The following GTPBP3 variants were observed in gnomAD, a reference collection of about 807,000 sequenced individuals.
GTPBP3 encodes the protein GTP binding protein 3, mitochondrial, also known as 5-taurinomethyluridine-[tRNA] synthase subunit GTPB3, mitochondrial.
Under a neutral mutation model 42.0 loss-of-function variants are expected in GTPBP3, and 35 were observed. The observed-to-expected ratio is 0.83, with a 90% CI of 0.64 to 1.10. The LOEUF (loss-of-function observed/expected upper bound fraction) is 1.10. GTPBP3 is among the 50% of genes least tolerant of loss of function. GTPBP3 has a pLI of 0.00. For missense variants in GTPBP3, 691 were observed against 685.2 expected (o/e 1.01, Z -0.09); for synonymous variants, 332 against 314.9 (o/e 1.05, Z -0.58).
upstream of GTPBP3, among the ~76,000 whole-genome samples, chr19:17,335,346 G>A (rs1415555053): frequency 6.6e-6 from 1 of 152,206 alleles, no homozygotes; most frequent in Non-Finnish European, 1.5e-5. Flanking sequence ...ATCCCATAGA[G>A]TTGTCAAGTT....
At position 17,341,608 on chromosome 19, in the gene GTPBP3, C is replaced by T; in HGVS notation, c.1384C>T (p.Arg462Trp). ...KDLALAAEAL[R>W]VARGHLTRLT... ...CCTGGCCCTGGCGGCAGAGGCGCTG[C>T]GGGTGGCCCGGGGTCACCTGACCCG... is the stretch of plus-strand genomic sequence containing the variant. The change falls in exon 9 of 9, where the codon CGG becomes TGG. Residue 462 changes from arginine to tryptophan, a missense_variant. Physicochemically the swap from Arg to Trp is moderately radical, Grantham distance 101 (BLOSUM62 -3). Coordinates refer to ENST00000324894, the MANE Select transcript of GTPBP3 (RefSeq NM_032620.4). 1.9e-6 allele frequency: 3 copies of T among 1,613,830 alleles called. No homozygotes were observed. The highest frequency in any genetic ancestry group is 1.7e-4 in the Middle Eastern group (1 of 6,056).
chr19:17,335,226 G>A (rs2074356769), upstream of GTPBP3: 1 of 1,471,304 alleles, frequency 6.8e-7, no homozygotes, highest in East Asian at 2.5e-5. Flanking sequence ...CATAATTACA[G>A]CAAGCCCTGC....
rs2074429202 is a variant in GTPBP3, at chr19:17,341,275, G to A, written c.1206G>A (p.Glu402=). The change falls in exon 8 of 9, where the codon GAG becomes GAA. Residue 402 remains glutamate, a synonymous_variant. Transcript: ENST00000324894. Reference sequence around the variant, plus strand: ...TGCTGCTGTCCTGTCTGACGGGAGAGGGGCTGGACGGCCTCCTGGAGGCGC... The same window carrying A: ...TGCTGCTGTCCTGTCTGACGGGAGAAGGGCTGGACGGCCTCCTGGAGGCGC... ...PHLLLSCLTG[E]GLDGLLEALR... is the part of the protein sequence containing the mutation. The A allele has an allele frequency of 1.2e-6, 2 of 1,605,364 alleles. No homozygotes were observed. The highest frequency in any genetic ancestry group is 4.5e-5 in the East Asian group (2 of 44,868).
In GTPBP3 at chr19:17,338,557, G is replaced by C; in HGVS notation, c.407G>C (p.Arg136Pro). ...LQALGSVPGL[R>P]PAEAGEFTRR... ...CCTGCAGGCAGCGTGCCAGGGCTTC[G>C]ACCGGCGGAGGCAGGCGAGTTCACC... The change falls in exon 4 of 9, where the codon CGA becomes CCA. Residue 136 changes from arginine to proline, a missense_variant. By Grantham distance (103) the Arg-to-Pro change is moderately radical. Coordinates refer to ENST00000324894, the MANE Select transcript of GTPBP3 (RefSeq NM_032620.4). 6.2e-7 allele frequency: 1 copy of C among 1,613,836 alleles called. No homozygotes were observed. Among genetic ancestry groups the C allele is most frequent in the Non-Finnish European group, 8.5e-7 (1 of 1,179,844 alleles).
upstream of GTPBP3, chr19:17,337,450 C>T (rs1432377981): frequency 8.1e-7 from 1 of 1,230,218 alleles, no homozygotes; most frequent in Non-Finnish European, 1.0e-6. Context: ...CCAATGGAAG[C>T]GAGTATCTTC....
rs901184217 is a variant in GTPBP3, at chr19:17,339,564, C to A, written c.939C>A (p.Pro313=). The change falls in exon 7 of 9, where the codon CCC becomes CCA. Residue 313 remains proline, a synonymous_variant. Coordinates refer to ENST00000324894, the MANE Select transcript of GTPBP3 (RefSeq NM_032620.4). The part of the protein sequence containing the change: ...DTAGLREGVG[P]VEQEGVRRAR... The stretch of plus-strand genomic sequence containing the variant: ...CTGGGTTGCGGGAGGGCGTGGGGCC[C>A]GTGGAGCAGGAGGGCGTGCGGCGCG... 5.0e-6 allele frequency: 8 copies of A among 1,612,028 alleles called. No individual in the cohort carries two copies. The highest frequency in any genetic ancestry group is 4.0e-5 in the African/African-American group (3 of 74,890).
intron 7 of GTPBP3, 76 bp from the exon 8 acceptor site, chr19:17,340,968 C>G: frequency 6.6e-7 from 1 of 1,524,244 alleles, no homozygotes; most frequent in African/African-American, 1.4e-5. Context: ...CTGCCTGGCC[C>G]CTCTAACTGT....
intron 5 of GTPBP3, 44 bp downstream of exon 5, chr19:17,339,070 C>T: frequency 6.2e-7 from 1 of 1,614,176 alleles, no homozygotes; most frequent in South Asian, 1.1e-5. Flanking sequence ...CTCATATCAG[C>T]CCTCAAAGGC....
At chr19:17,335,021 T>C, upstream of GTPBP3, 1 of 1,535,916 alleles carries the variant, frequency 6.5e-7, no homozygotes, top group East Asian at 2.4e-5. Flanking sequence ...ATTCTCCAAC[T>C]TGTCCCCACC....
rs777162848 is a variant in GTPBP3 at position 17,338,012 on chromosome 19, T to C, written c.58T>C (p.Cys20Arg). ...TCGCCTCCCCTCCGGTTCCAGATTG[T>C]GCACGCGCCGGAGCAGCGGCGCACC... Reference protein sequence around the residue: ...AQAARGPRRLCTRRSSGAPAP... With the variant: ...AQAARGPRRLRTRRSSGAPAP... The change falls in exon 2 of 9, where the codon TGC becomes CGC. Residue 20 changes from cysteine to arginine, a missense_variant. Coordinates refer to ENST00000324894, the MANE Select transcript of GTPBP3 (RefSeq NM_032620.4). 6.3e-7 allele frequency: 1 copy of C among 1,597,648 alleles called. No homozygotes were observed. Among genetic ancestry groups the C allele is most frequent in the Non-Finnish European group, 8.5e-7 (1 of 1,179,452 alleles).
rs771228439 is a variant in GTPBP3, at chr19:17,341,570, A to G, written c.1346A>G (p.Lys449Arg). 3 of 1,613,766 alleles carry G rather than the reference A, an allele frequency of 1.9e-6. No homozygotes were observed. Among genetic ancestry groups the G allele is most frequent in the Non-Finnish European group, 1.7e-6 (2 of 1,180,006 alleles). Residue 449 changes from lysine (K) to arginine (R), a missense_variant, in exon 9 of 9, where the codon AAG becomes AGG. By Grantham distance (26) the Lys-to-Arg change is conservative. Coordinates refer to ENST00000324894, the MANE Select transcript of GTPBP3 (RefSeq NM_032620.4). ...TGCCTGGATGCCCTCGGCCACTACA[A>G]GCAGTCAAAAGACCTGGCCCTGGCG... ...QGCLDALGHYKQSKDLALAAE... is the reference protein window; with the variant it reads ...QGCLDALGHYRQSKDLALAAE...
intron 3 of GTPBP3, 38 bp downstream of exon 3, chr19:17,338,489 A>T (rs770300748): frequency 3.1e-6 from 5 of 1,613,176 alleles, no homozygotes; most frequent in Non-Finnish European, 4.2e-6. Context: ...TGGTCCTCCC[A>T]ATGGGCCTGG....
upstream of GTPBP3, among the ~76,000 whole-genome samples, chr19:17,336,433 G>A (rs1050416034): frequency 1.8e-4 from 27 of 151,498 alleles, no homozygotes; most frequent in African/African-American, 5.6e-4. Context: ...GAGCCCAAAA[G>A]TTGGAGGTTG....
upstream of GTPBP3, chr19:17,334,986 TGGTCCCC>T (rs1323242432): frequency 8.5e-6 from 13 of 1,533,964 alleles, no homozygotes; most frequent in African/African-American, 1.4e-4. Flanking sequence ...TCCCTGCTGC[TGGTCCCC>T]GCCCGCACTG....
chr19:17,339,344 A>G, intron 6 of GTPBP3, 78 bp downstream of exon 6: 2 of 1,581,022 alleles, frequency 1.3e-6, no homozygotes, highest in Admixed American at 1.7e-5. Flanking sequence ...TTAGTTGTTC[A>G]GGTCTAAAGC....
chr19:17,340,415 ACGTTCTGCCCCGCCCTCT>A (rs1185924946), intron 7 of GTPBP3, among the ~76,000 whole-genome samples: 1 of 151,288 alleles, frequency 6.6e-6, no homozygotes, highest in African/African-American at 2.4e-5. Context: ...CCCAGCCCTC[ACGTTCTGCCCCGCCCTCT>A]CGTGCTCTGT....
chr19:17,338,198 C>T lies in GTPBP3; in HGVS notation c.244C>T (p.Leu82Phe). 6.3e-7 allele frequency: 1 copy of T among 1,586,172 alleles called. No homozygotes were observed. Among genetic ancestry groups the T allele is most frequent in the South Asian group, 1.1e-5 (1 of 89,242 alleles). Residue 82 changes from leucine (L) to phenylalanine (F), a missense_variant, in exon 2 of 9, where the codon CTC (leucine) becomes TTC (phenylalanine). Coordinates refer to ENST00000324894, the MANE Select transcript of GTPBP3 (RefSeq NM_032620.4). ...PLARHASLRL[L>F]SDPRSGEPLD... ...TGCTCGCCACGCCAGCCTGCGCCTG[C>T]TCAGCGATCCCCGCTCCGGGGAGCC...
chr19:17,337,836 C>T (rs1255529051), intron 1 of GTPBP3, 172 bp downstream of exon 1: 34 of 1,174,890 alleles, frequency 2.9e-5, no homozygotes, highest in Non-Finnish European at 3.8e-5. Flanking sequence ...CTCCTTCTGG[C>T]CTCACAGTCC....
chr19:17,339,486 G>T lies in GTPBP3; in HGVS notation c.861G>T (p.Val287=). The part of the protein sequence containing the change: ...VSPEPGTTRD[V]LETPVDLAGF... ...CGGAGCCAGGGACCACCCGTGACGT[G>T]CTGGAGACCCCAGTCGACCTGGCCG... The change falls in exon 7 of 9, where the codon GTG becomes GTT. Residue 287 remains valine (V), a synonymous_variant. Coordinates refer to ENST00000324894, the MANE Select transcript of GTPBP3 (RefSeq NM_032620.4). 2 of 1,613,986 alleles carry T rather than the reference G, an allele frequency of 1.2e-6. No homozygotes were observed. Among genetic ancestry groups the T allele is most frequent in the Non-Finnish European group, 8.5e-7 (1 of 1,179,984 alleles).
Sources: allele counts gnomAD v4.1 joint callset (sites outside exome capture counted in the v4.1 genomes callset), GRCh38; gene constraint gnomAD v4.1.1; transcripts MANE v1.5; gene names NCBI Gene and HGNC (gene_info 2026-07-23, HGNC 2026-07-21).